The following CNTN4 variants were observed in gnomAD, a reference collection of about 807,000 sequenced individuals.
CNTN4 encodes contactin-4.
Under a neutral mutation model 122.5 loss-of-function variants are expected in CNTN4, and 77 were observed. The observed-to-expected ratio is 0.63, with a 90% CI of 0.52 to 0.76. The LOEUF is 0.76. Among genes scored for constraint, CNTN4 ranks in the 30% least tolerant of loss-of-function variants. The pLI is 0.00. For synonymous variants in CNTN4, 512 were observed against 447.0 expected, an observed-to-expected ratio of 1.15 and a Z score of -1.83; for missense variants, 1,256 against 1,259.1, an observed-to-expected ratio of 1.00 and a Z score of 0.04.
At chr3:3,027,630 G>C (rs755677289) in intron 15 of CNTN4, among the ~76,000 whole-genome samples, 3 of 152,094 alleles carry the variant, frequency 2.0e-5, no homozygotes, top group Non-Finnish European at 4.4e-5. Context: ...AGTGTAAATC[G>C]AGAACATTCT....
chr3:2,688,196 C>G (rs1166111752), intron 4 of CNTN4, among the ~76,000 whole-genome samples: 1 of 152,076 alleles, frequency 6.6e-6, no homozygotes, highest in East Asian at 1.9e-4. Flanking sequence ...TGAACAGTGC[C>G]TTTTAAAAAA....
intron 3 of CNTN4, among the ~76,000 whole-genome samples, chr3:2,440,987 A>C (rs1418137597): frequency 6.6e-6 from 1 of 150,566 alleles, no homozygotes; most frequent in Non-Finnish European, 1.5e-5. Flanking sequence ...ATATGTGTGT[A>C]TATGTATATG....
At chr3:2,328,331 G>A (rs940307485) in intron 2 of CNTN4, among the ~76,000 whole-genome samples, 14 of 150,420 alleles carry the variant, frequency 9.3e-5, no homozygotes, top group South Asian at 4.2e-4. Context: ...GCGGGAACCC[G>A]GGAGGCGGAG....
At chr3:2,767,214 A>G (rs188322483) in intron 6 of CNTN4, among the ~76,000 whole-genome samples, 86 of 152,230 alleles carry the variant, frequency 5.6e-4, no homozygotes, top group African/African-American at 1.8e-3. Flanking sequence ...AACATGCAAA[A>G]TATATTCAGA....
chr3:2,422,488 A>G (rs1011448422), intron 3 of CNTN4, among the ~76,000 whole-genome samples: 4 of 152,158 alleles, frequency 2.6e-5, no homozygotes, highest in Non-Finnish European at 4.4e-5. Context: ...AGTGAGCACT[A>G]TTTGGATTCC....
chr3:2,245,787 C>T (rs1192543787), intron 2 of CNTN4, among the ~76,000 whole-genome samples: 1 of 151,990 alleles, frequency 6.6e-6, no homozygotes, highest in African/African-American at 2.4e-5. Flanking sequence ...ATATACCTTT[C>T]AGCTACCTGT....
At chr3:2,569,332 A>G (rs2079318656) in intron 3 of CNTN4, among the ~76,000 whole-genome samples, 1 of 152,216 alleles carries the variant, frequency 6.6e-6, no homozygotes, top group Non-Finnish European at 1.5e-5. Context: ...ATTATTAAGT[A>G]GCTTGTGTTG....
intron 6 of CNTN4, among the ~76,000 whole-genome samples, chr3:2,798,128 T>A (rs1025792227): frequency 6.6e-6 from 1 of 150,888 alleles, no homozygotes; most frequent in Non-Finnish European, 1.5e-5. Context: ...TATGTTGATA[T>A]GTACACACGT....
intron 13 of CNTN4, among the ~76,000 whole-genome samples, chr3:2,972,911 C>T (rs927227413): frequency 6.6e-6 from 1 of 151,304 alleles, no homozygotes; most frequent in African/African-American, 2.5e-5. Flanking sequence ...TAAGAGCTTC[C>T]TGCTCCTTTC....
chr3:2,366,896 A>G (rs1279299846), intron 3 of CNTN4, among the ~76,000 whole-genome samples: 2 of 152,058 alleles, frequency 1.3e-5, no homozygotes, highest in African/African-American at 4.8e-5. Context: ...AAAGAATACC[A>G]CGTTTAATAT....
chr3:2,666,744 TC>T (rs1266772011), intron 4 of CNTN4, among the ~76,000 whole-genome samples: 3 of 78,480 alleles, frequency 3.8e-5, no homozygotes, highest in African/African-American at 1.0e-4. Flanking sequence ...CCCTCCCCCC[TC>T]CCCCCACCCC....
At position 2,709,916 on chromosome 3, in the gene CNTN4, A is replaced by G. The variant is rs2087017316; in HGVS notation, c.56-26299A>G. Among the ~76,000 whole-genome samples the G allele has an allele frequency of 6.6e-6, 1 of 152,068 alleles. No homozygotes were observed. The highest frequency in any genetic ancestry group is 6.6e-5 in the Admixed American group (1 of 15,266). ...CCCTGTCTCAAACATATAAATACAA[A>G]AAAAAAATAAGAATAAACTCCAAAG... On this transcript the variant is annotated intron_variant, in intron 4 of 24. Transcript: ENST00000418658. The surrounding 1 kb of genome is among the most constrained non-coding windows in gnomAD (Gnocchi z 5.0).
chr3:2,276,269 T>C (rs1010669963), intron 2 of CNTN4, among the ~76,000 whole-genome samples: 1 of 151,962 alleles, frequency 6.6e-6, no homozygotes, highest in African/African-American at 2.4e-5. Flanking sequence ...GCCTCTCAGG[T>C]TCAAGTGATT....
At chr3:2,298,291 C>A (rs77895200) in intron 2 of CNTN4, among the ~76,000 whole-genome samples, 3,564 of 152,040 alleles carry the variant, frequency 0.023, 149 homozygotes, top group African/African-American at 0.079. Context: ...TAACTTTTTT[C>A]TTGAAATTTA....
intron 3 of CNTN4, among the ~76,000 whole-genome samples, chr3:2,359,881 C>T (rs1192619556): frequency 1.3e-5 from 2 of 152,166 alleles, no homozygotes; most frequent in Non-Finnish European, 2.9e-5. Context: ...ACTTGCTGAA[C>T]AGATATTTTG....
chr3:3,041,621 G>A lies in CNTN4; in HGVS notation c.2399-689G>A, dbSNP rs111328496. On this transcript the variant is annotated intron_variant, in intron 20 of 24. Coordinates refer to ENST00000418658, the MANE Select transcript of CNTN4 (RefSeq NM_175607.3). ...TTTGCCAGATTTCTGCCATAGCTGTGTACCATTTGTATATGTTCACATTTT... is the reference window on the plus strand; with the variant it reads ...TTTGCCAGATTTCTGCCATAGCTGTATACCATTTGTATATGTTCACATTTT... Among the ~76,000 whole-genome samples, 754 of 152,224 alleles carry A rather than the reference G, an allele frequency of 5.0e-3. 9 individuals are homozygous for A. The highest frequency in any genetic ancestry group is 0.017 in the African/African-American group (715 of 41,522).
intron 2 of CNTN4, among the ~76,000 whole-genome samples, chr3:2,182,769 G>A (rs188874871): frequency 7.3e-4 from 111 of 151,196 alleles, no homozygotes; most frequent in Non-Finnish European, 1.3e-3. Flanking sequence ...TTCCGCATAA[G>A]TTTGTTTTTG....
At chr3:2,223,622 TC>T (rs1346798713) in intron 2 of CNTN4, among the ~76,000 whole-genome samples, 1 of 152,168 alleles carries the variant, frequency 6.6e-6, no homozygotes, top group African/African-American at 2.4e-5. Context: ...TATGAGAATG[TC>T]CCTTGGCTGG....
chr3:2,368,726 C>G (rs763986958), intron 3 of CNTN4, among the ~76,000 whole-genome samples: 6 of 152,092 alleles, frequency 3.9e-5, no homozygotes, highest in Non-Finnish European at 7.4e-5. Context: ...ATTAGGAGAT[C>G]ATTATTGCAG....
Sources: allele counts gnomAD v4.1 joint callset (sites outside exome capture counted in the v4.1 genomes callset), GRCh38; gene constraint gnomAD v4.1.1; non-coding constraint Gnocchi (gnomAD v3.1); transcripts MANE v1.5; gene names NCBI Gene and HGNC (gene_info 2026-07-23, HGNC 2026-07-21).